XPNPEP3: variants seen among roughly 807,000 people sequenced by gnomAD.
The protein encoded by XPNPEP3 is X-prolyl aminopeptidase 3, also known as xaa-Pro aminopeptidase 3.
In XPNPEP3, 41 loss-of-function variants were observed where a neutral mutation model predicts 60.0. The ratio of observed to expected loss-of-function variants is 0.68; its 90% CI spans 0.53 to 0.89. The LOEUF (loss-of-function observed/expected upper bound fraction) is 0.89. Ranked by LOEUF, XPNPEP3 falls within the 40% of genes least tolerant of loss-of-function variation. The probability of loss-of-function intolerance (pLI) is 0.00; values close to 1 mark genes in which losing one functional copy is unlikely to be tolerated. For synonymous variants in XPNPEP3, 212 were observed against 223.2 expected (o/e 0.95, Z 0.45); for missense variants, 598 against 638.9 (o/e 0.94, Z 0.69).
chr22:40,893,702 C>T lies in XPNPEP3; in HGVS notation c.792+7187C>T, dbSNP rs543513499. ...CATGATCTCAGCTCACCACAACCTCCACCTCCCAGGTTCAGGTGATTCTCC... is the reference window on the plus strand; with the variant it reads ...CATGATCTCAGCTCACCACAACCTCTACCTCCCAGGTTCAGGTGATTCTCC... On this transcript the variant is annotated intron_variant, in intron 4 of 9. Coordinates refer to ENST00000357137, the MANE Select transcript of XPNPEP3 (RefSeq NM_022098.4). Among the ~76,000 whole-genome samples, 538 of 151,920 alleles carry T rather than the reference C, an allele frequency of 3.5e-3. 2 individuals carry two copies. The highest frequency in any genetic ancestry group is 0.027 in the Middle Eastern group (8 of 294).
At chr22:40,865,968 T>G (rs914020795) in intron 1 of XPNPEP3, among the ~76,000 whole-genome samples, 3 of 152,210 alleles carry the variant, frequency 2.0e-5, no homozygotes, top group Non-Finnish European at 4.4e-5. Flanking sequence ...ATCTGTGTGC[T>G]TATAACACCC....
At chr22:40,886,085 G>A (rs570445330) in intron 3 of XPNPEP3, among the ~76,000 whole-genome samples, 3 of 152,234 alleles carry the variant, frequency 2.0e-5, no homozygotes, top group South Asian at 2.1e-4. Context: ...CAGAAAAGCT[G>A]TATATTCAGT....
chr22:40,861,336 G>T (rs749774490), intron 1 of XPNPEP3: 3 of 1,614,122 alleles, frequency 1.9e-6, no homozygotes, highest in Non-Finnish European at 2.5e-6. Context: ...AAGAAAAAAT[G>T]TCAACTCTCC....
At chr22:40,897,813 T>C (rs2058114933) in intron 4 of XPNPEP3, among the ~76,000 whole-genome samples, 1 of 152,200 alleles carries the variant, frequency 6.6e-6, no homozygotes, top group Non-Finnish European at 1.5e-5. Context: ...TCATAGTTTT[T>C]ATTTGCATTT....
intron 2 of XPNPEP3, among the ~76,000 whole-genome samples, chr22:40,871,756 C>T (rs2058006840): frequency 6.6e-6 from 1 of 151,926 alleles, no homozygotes; most frequent in African/African-American, 2.4e-5. Flanking sequence ...TTACTGGGGC[C>T]AGGCGCGGTG....
chr22:40,886,410 C>T lies in XPNPEP3; in HGVS notation c.687C>T (p.Ser229=). ...MQPLTEAKAK[S]KNKVRGVQQL... The stretch of plus-strand genomic sequence containing the variant: ...CCCTGACTGAGGCCAAAGCCAAGAG[C>T]AAGAACAAGGTTCGGGGTGTTCAGC... The change falls in exon 4 of 10, where the codon AGC becomes AGT. Residue 229 remains serine (S), a synonymous_variant. Transcript: ENST00000357137. 3.1e-6 allele frequency: 5 copies of T among 1,614,186 alleles called. No individual in the cohort carries two copies. The highest frequency in any genetic ancestry group is 4.2e-6 in the Non-Finnish European group (5 of 1,180,038).
intron 6 of XPNPEP3, among the ~76,000 whole-genome samples, chr22:40,913,198 C>T (rs1208107573): frequency 1.3e-5 from 2 of 152,026 alleles, no homozygotes; most frequent in Non-Finnish European, 2.9e-5. Flanking sequence ...GGGCCTGGCG[C>T]GGTGGCTCAT....
chr22:40,892,989 C>T (rs775728286), intron 4 of XPNPEP3, among the ~76,000 whole-genome samples: 1 of 151,392 alleles, frequency 6.6e-6, no homozygotes, highest in Non-Finnish European at 1.5e-5. Flanking sequence ...ATTCTGGTAA[C>T]CTTTGTAAAA....
chr22:40,867,183 A>G (rs1281675690), intron 1 of XPNPEP3, among the ~76,000 whole-genome samples: 1 of 152,224 alleles, frequency 6.6e-6, no homozygotes, highest in African/African-American at 2.4e-5. Context: ...AGGCATTATC[A>G]TCATTATTTT....
At chr22:40,919,607 C>A (rs1390504856) in intron 7 of XPNPEP3, among the ~76,000 whole-genome samples, 1 of 152,172 alleles carries the variant, frequency 6.6e-6, no homozygotes, top group African/African-American at 2.4e-5. Flanking sequence ...TCAAACGATT[C>A]TCTTGCCTTG....
At chr22:40,926,047 C>T (rs2058233455) in intron 9 of XPNPEP3, among the ~76,000 whole-genome samples, 1 of 152,042 alleles carries the variant, frequency 6.6e-6, no homozygotes. Flanking sequence ...TAAAGATAAC[C>T]ACAATAATAA....
At chr22:40,862,338 G>A (rs1295304761) in intron 1 of XPNPEP3, 82 of 1,024,662 alleles carry the variant, frequency 8.0e-5, no homozygotes, top group Non-Finnish European at 9.1e-5. Flanking sequence ...TGCCTCATAA[G>A]CCAATGGAAT....
At chr22:40,919,114 T>A (rs1238648345) in intron 7 of XPNPEP3, among the ~76,000 whole-genome samples, 1 of 152,190 alleles carries the variant, frequency 6.6e-6, no homozygotes, top group Non-Finnish European at 1.5e-5. Flanking sequence ...TAAAAATTTT[T>A]TAAATTTTTA....
intron 6 of XPNPEP3, among the ~76,000 whole-genome samples, chr22:40,910,530 C>T (rs891450734): frequency 6.6e-6 from 1 of 150,674 alleles, no homozygotes; most frequent in Non-Finnish European, 1.5e-5. Flanking sequence ...CATAGCAAAA[C>T]CCTATCTCTA....
intron 2 of XPNPEP3, among the ~76,000 whole-genome samples, chr22:40,872,104 T>G (rs530657336): frequency 3.9e-5 from 6 of 152,166 alleles, no homozygotes; most frequent in Non-Finnish European, 5.9e-5. Context: ...TCCTAGATTT[T>G]TCTTTGCCAT....
At chr22:40,857,426 C>T (rs534279971) in intron 1 of XPNPEP3, among the ~76,000 whole-genome samples, 181 bp downstream of exon 1, 2 of 152,356 alleles carry the variant, frequency 1.3e-5, no homozygotes, top group South Asian at 4.1e-4. Flanking sequence ...CCAGTGTGTT[C>T]TCTACCGTTG....
chr22:40,915,226 A>G lies in XPNPEP3; in HGVS notation c.1055+902A>G, dbSNP rs903007459. On this transcript the variant is annotated intron_variant, in intron 7 of 9. Coordinates refer to ENST00000357137, the MANE Select transcript of XPNPEP3 (RefSeq NM_022098.4). Reference sequence around the variant, plus strand: ...CCACCACGCCTGGCTAATTTTTTGTATTTTTCGTAGAGATGGGATTTCACC... The same window carrying G: ...CCACCACGCCTGGCTAATTTTTTGTGTTTTTCGTAGAGATGGGATTTCACC... 2.0e-5 allele frequency among the ~76,000 whole-genome samples: 3 copies of G among 151,872 alleles called. No individual in the cohort carries two copies. The East Asian group carries it at 5.8e-4, about 29-fold the overall frequency.
chr22:40,857,277 G>GGT (rs1443411944), intron 1 of XPNPEP3, 32 bp downstream of exon 1: 1 of 1,613,036 alleles, frequency 6.2e-7, no homozygotes, highest in Non-Finnish European at 8.5e-7. Context: ...CTCCTCCCAT[G>GGT]GTGTCCCCTG....
In XPNPEP3 at chr22:40,919,177, G is replaced by A. The variant is rs1459122902; in HGVS notation, c.1056-3156G>A. Among the ~76,000 whole-genome samples the A allele has an allele frequency of 2.0e-5, 3 of 152,250 alleles. No individual in the cohort carries two copies. In the East Asian group the frequency reaches 5.8e-4, roughly 29 times the overall value. On this transcript the variant is annotated intron_variant, in intron 7 of 9. Transcript: ENST00000357137. ...ATTAACTGAAACAGGAAATTCACCA[G>A]GTAGACTTAACTGTAGATTGGAGAC...
Sources: gnomAD v4.1 joint callset for allele counts (sites outside exome capture counted in the v4.1 genomes callset) on GRCh38, gnomAD v4.1.1 for gene constraint, MANE v1.5 for transcripts, NCBI Gene and HGNC (gene_info 2026-07-23, HGNC 2026-07-21) for gene names.